Variants in KSR1 observed in about 807,000 individuals in gnomAD.
KSR1 encodes kinase suppressor of ras 1, also known as kinase suppressor of ras.
Under a neutral mutation model 92.9 loss-of-function variants are expected in KSR1, and 35 were observed. The observed-to-expected ratio is 0.38, with a 90% CI of 0.29 to 0.50. KSR1 has a LOEUF of 0.50. Ranked by LOEUF, KSR1 falls within the 20% of genes least tolerant of loss-of-function variation. The probability of loss-of-function intolerance (pLI) is 0.94; values close to 1 mark genes in which losing one functional copy is unlikely to be tolerated. For missense variants in KSR1, 972 were observed against 1,158.5 expected (o/e 0.84, Z 2.34); for synonymous variants, 467 against 472.6 (o/e 0.99, Z 0.15).
intron 1 of KSR1, among the ~76,000 whole-genome samples, chr17:27,466,622 T>G (rs1182923942): frequency 6.6e-6 from 1 of 152,190 alleles, no homozygotes; most frequent in African/African-American, 2.4e-5. Flanking sequence ...GCATTTGAGC[T>G]TGGGCTGCAG....
intron 1 of KSR1, among the ~76,000 whole-genome samples, chr17:27,497,471 T>G (rs1289751776): frequency 2.0e-5 from 3 of 152,220 alleles, no homozygotes; most frequent in East Asian, 3.8e-4. Context: ...CTTTCAGTCC[T>G]TGAATGGCCT....
intron 19 of KSR1, chr17:27,617,720 G>A (rs1377156359): frequency 2.7e-6 from 1 of 366,378 alleles, no homozygotes; most frequent in Non-Finnish European, 5.4e-6. Flanking sequence ...TAGAGACGGG[G>A]TTTCATCATA....
intron 11 of KSR1, among the ~76,000 whole-genome samples, chr17:27,601,718 T>C (rs1300896276): frequency 2.0e-5 from 3 of 152,240 alleles, no homozygotes; most frequent in African/African-American, 4.8e-5. Context: ...TCTGGGTTTA[T>C]AGAATGGGGA....
At chr17:27,598,058 G>A (rs1474169296) in intron 10 of KSR1, among the ~76,000 whole-genome samples, 1 of 152,188 alleles carries the variant, frequency 6.6e-6, no homozygotes, top group Non-Finnish European at 1.5e-5. Flanking sequence ...CCTGGTGTCT[G>A]TGGGGAGAGG....
In KSR1 at chr17:27,611,640, C is replaced by T. The variant is rs2073919952; in HGVS notation, c.2493+11C>T. Reference sequence around the variant, plus strand: ...GGGAAGGAAGTCAGTGTAAGTAGTACCTGCCCTGGGTGGAGCAGTAGGGCT... The same window carrying T: ...GGGAAGGAAGTCAGTGTAAGTAGTATCTGCCCTGGGTGGAGCAGTAGGGCT... On this transcript the variant is annotated intron_variant, in intron 18 of 20. Transcript: ENST00000644974. 6 of 1,613,592 alleles carry T rather than the reference C, an allele frequency of 3.7e-6. No homozygotes were observed. Among genetic ancestry groups the T allele is most frequent in the Non-Finnish European group, 8.5e-7 (1 of 1,179,740 alleles).
Position 27,583,092 on chromosome 17 carries a change from G to A in KSR1, c.967G>A (p.Val323Ile), listed in dbSNP as rs774492029. 13 of 1,562,074 alleles carry A rather than the reference G, an allele frequency of 8.3e-6. No individual in the cohort carries two copies. The highest frequency in any genetic ancestry group is 6.1e-5 in the South Asian group (5 of 82,536). The change falls in exon 4 of 21, where the codon GTC becomes ATC. Residue 323 changes from valine to isoleucine, a missense_variant. This residue lies in a region of KSR1 where 611 missense variants were observed against 668.0 expected (regional missense o/e 0.91). Coordinates refer to ENST00000644974, the MANE Select transcript of KSR1 (RefSeq NM_001394583.1). ...TCAGCTGGGGAACCGCATTGATGAC[G>A]TCTCCTCGATGAGGTGAGTGCTCCT... ...ESQLGNRIDD[V>I]SSMRFDLSHG...
At position 27,508,798 on chromosome 17, in the gene KSR1, C is replaced by T. The variant is rs560347210; in HGVS notation, c.232-41770C>T. Among the ~76,000 whole-genome samples, 6 of 151,556 alleles carry T rather than the reference C, an allele frequency of 4.0e-5. No homozygotes were observed. In the South Asian group the frequency reaches 6.3e-4, roughly 16 times the overall value. Reference sequence around the variant, plus strand: ...AGGCTGGAGTGCAATGGCGTGATCTCGGCTCATTGTAACCTCCACCTCCCG... The same window carrying T: ...AGGCTGGAGTGCAATGGCGTGATCTTGGCTCATTGTAACCTCCACCTCCCG... On this transcript the variant is annotated intron_variant, in intron 1 of 20. Coordinates refer to ENST00000644974, the MANE Select transcript of KSR1 (RefSeq NM_001394583.1).
chr17:27,601,516 C>T lies in KSR1; in HGVS notation c.1510+115C>T. ...CTTTGGAGATACTTGAGTCTCCCTC[C>T]ACCTGTTCTGAGAGCTGACTGCCCA... On this transcript the variant is annotated intron_variant, in intron 11 of 20. Transcript: ENST00000644974. 3.5e-6 allele frequency: 3 copies of T among 862,354 alleles called. 1 individual carries two copies. The highest frequency in any genetic ancestry group is 3.1e-5 in the South Asian group (2 of 63,716). The allele number at this position is 862,354 out of a possible 1,614,324, so 53.4% of individuals were successfully genotyped here.
rs763573129 is a variant in KSR1, at chr17:27,623,618, C to G, written c.*226C>G. The G allele has an allele frequency of 2.0e-4, 123 of 618,112 alleles. 1 individual carries two copies. Among genetic ancestry groups the G allele is most frequent in the Non-Finnish European group, 5.7e-5 (20 of 350,278 alleles). 38.3% of individuals were successfully genotyped at this position (618,112 alleles called of 1,614,324 possible). On this transcript the variant is annotated 3_prime_UTR_variant, in exon 21 of 21. Coordinates refer to ENST00000644974, the MANE Select transcript of KSR1 (RefSeq NM_001394583.1). ...CAACCAAACCTGTCATGACAGACAG[C>G]AAATGTTTACACGTATATTTCTCCT... is the stretch of plus-strand genomic sequence containing the variant.
intron 14 of KSR1, among the ~76,000 whole-genome samples, chr17:27,607,370 G>A (rs1377097573): frequency 6.6e-6 from 1 of 152,034 alleles, no homozygotes; most frequent in Non-Finnish European, 1.5e-5. Context: ...GTTGATGCAG[G>A]TGGCGACCCC....
chr17:27,557,169 G>A (rs1432438804), intron 2 of KSR1, among the ~76,000 whole-genome samples: 1 of 152,210 alleles, frequency 6.6e-6, no homozygotes, highest in East Asian at 1.9e-4. Flanking sequence ...CAGCTGGTCT[G>A]GTTTGGAGGA....
At chr17:27,575,501 G>A (rs1437504008) in intron 2 of KSR1, among the ~76,000 whole-genome samples, 1 of 152,160 alleles carries the variant, frequency 6.6e-6, no homozygotes, top group Non-Finnish European at 1.5e-5. Context: ...GGTTTTGGCT[G>A]GCTTCTTTAG....
At chr17:27,498,332 A>C in intron 1 of KSR1, among the ~76,000 whole-genome samples, 1 of 138,994 alleles carries the variant, frequency 7.2e-6, no homozygotes, top group Non-Finnish European at 1.5e-5. Context: ...AGTGAGACTC[A>C]GTCTCAAAAA....
intron 1 of KSR1, among the ~76,000 whole-genome samples, chr17:27,520,495 G>A (rs775117365): frequency 4.6e-5 from 7 of 152,152 alleles, no homozygotes; most frequent in African/African-American, 4.8e-5. Context: ...TGCTTGGTGC[G>A]CATAATAAGT....
At chr17:27,493,384 CG>C (rs1366629460) in intron 1 of KSR1, among the ~76,000 whole-genome samples, 1 of 152,102 alleles carries the variant, frequency 6.6e-6, no homozygotes, top group Admixed American at 6.6e-5. Context: ...TGTGAAACAC[CG>C]GGGTCAGGCA....
chr17:27,495,294 A>T (rs1027717460), intron 1 of KSR1, among the ~76,000 whole-genome samples: 1 of 152,152 alleles, frequency 6.6e-6, no homozygotes, highest in African/African-American at 2.4e-5. Flanking sequence ...GGCCTTGTCC[A>T]ACATCTTGGG....
At chr17:27,612,519 G>T (rs1184784788) in intron 18 of KSR1, 1 of 152,206 alleles carries the variant, frequency 6.6e-6, no homozygotes, top group Non-Finnish European at 1.5e-5. Flanking sequence ...TCTCTTCATG[G>T]CTTTCCCAGG....
In KSR1 at chr17:27,459,931, T is replaced by C. The variant is rs1274362159; in HGVS notation, c.231+3057T>C. ...TGAGACTTAACGTTTGCTGCCTGTG[T>C]GCCTAGCAGCGTGCCTGACTCTTCT... On this transcript the variant is annotated intron_variant, in intron 1 of 20. Transcript: ENST00000644974. The surrounding 1 kb of genome is among the most constrained non-coding windows in gnomAD (Gnocchi z 4.6). Among the ~76,000 whole-genome samples the C allele has an allele frequency of 1.3e-5, 2 of 152,212 alleles. No individual in the cohort carries two copies. The highest frequency in any genetic ancestry group is 3.8e-4 in the East Asian group (2 of 5,200).
intron 11 of KSR1, among the ~76,000 whole-genome samples, chr17:27,603,222 G>C (rs1291926272): frequency 2.0e-5 from 3 of 152,188 alleles, no homozygotes; most frequent in Admixed American, 2.0e-4. Context: ...CCCACTCTTG[G>C]GCCCCTGATA....
Sources: gnomAD v4.1 joint callset for allele counts (sites outside exome capture counted in the v4.1 genomes callset) on GRCh38, gnomAD v4.1.1 for gene constraint, gnomAD v4.1.1 regional missense constraint, Gnocchi (gnomAD v3.1) non-coding constraint, MANE v1.5 for transcripts, NCBI Gene and HGNC (gene_info 2026-07-23, HGNC 2026-07-21) for gene names.